Variants in MYT1L observed in about 807,000 individuals in gnomAD.
The protein encoded by MYT1L is myelin transcription factor 1-like protein.
A neutral mutation model predicts 126.7 loss-of-function variants in MYT1L; 12 were observed. That is an observed-to-expected ratio of 0.09 (90% CI 0.06 to 0.15). The LOEUF (loss-of-function observed/expected upper bound fraction) is 0.15. MYT1L is among the 10% of genes least tolerant of loss of function. MYT1L has a pLI of 1.00. For synonymous variants in MYT1L, 541 were observed against 604.2 expected, an observed-to-expected ratio of 0.90 and a Z score of 1.53; for missense variants, 979 against 1,585.2, an observed-to-expected ratio of 0.62 and a Z score of 6.49.
At chr2:2,057,131 T>C (rs1434352389) in intron 3 of MYT1L, among the ~76,000 whole-genome samples, 1 of 152,232 alleles carries the variant, frequency 6.6e-6, no homozygotes, top group African/African-American at 2.4e-5. Context: ...TATATGTGCA[T>C]GCGATTTTAG....
intron 14 of MYT1L, among the ~76,000 whole-genome samples, chr2:1,901,958 C>G (rs1179036725): frequency 6.6e-6 from 1 of 152,192 alleles, no homozygotes; most frequent in African/African-American, 2.4e-5. Context: ...CTGCAGCCAG[C>G]CCCAAGTATC....
chr2:2,231,048 C>T (rs536497628), intron 2 of MYT1L, among the ~76,000 whole-genome samples: 110 of 152,188 alleles, frequency 7.2e-4, no homozygotes, highest in African/African-American at 2.4e-3. Flanking sequence ...AAAGGTGCTT[C>T]GCAAATACTT....
intron 22 of MYT1L, among the ~76,000 whole-genome samples, chr2:1,805,800 C>T (rs1177508553): frequency 2.0e-5 from 3 of 152,160 alleles, no homozygotes; most frequent in East Asian, 1.9e-4. Flanking sequence ...GTGGGAGGAT[C>T]GCTTGACCCT....
chr2:2,156,611 C>T (rs2086765990), intron 3 of MYT1L, among the ~76,000 whole-genome samples: 1 of 152,190 alleles, frequency 6.6e-6, no homozygotes, highest in African/African-American at 2.4e-5. Flanking sequence ...AGTGTTTTTG[C>T]CCTTACCAGA....
rs1294480631 is a variant in MYT1L, at chr2:1,910,497, A to T, written c.1710-150T>A. 1.5e-6 allele frequency: 1 copy of T among 666,288 alleles called. No individual in the cohort carries two copies. The highest frequency in any genetic ancestry group is 2.7e-6 in the Non-Finnish European group (1 of 376,562). The allele number at this position is 666,288 out of a possible 1,614,324, so 41.3% of individuals were successfully genotyped here. A position where few individuals can be genotyped will look rare whatever the true frequency, so the allele number is the denominator to read the frequency against. On this transcript the variant is annotated intron_variant, in intron 12 of 24. Transcript: ENST00000647738. The surrounding 1 kb of genome is among the most constrained non-coding windows in gnomAD (Gnocchi z 4.8). ...TGGCACAGGCAGTCCTGATGGGTGG[A>T]CTGGGAGAGGGGGAGGTAGTCATGT... is the stretch of plus-strand genomic sequence containing the variant.
chr2:2,156,920 G>T (rs1489116919), intron 3 of MYT1L, among the ~76,000 whole-genome samples: 1 of 152,204 alleles, frequency 6.6e-6, no homozygotes, highest in Non-Finnish European at 1.5e-5. Flanking sequence ...CCTTGTCAAG[G>T]TTTCTTTAGA....
intron 4 of MYT1L, among the ~76,000 whole-genome samples, chr2:2,027,704 T>G (rs1236907190): frequency 1.3e-5 from 2 of 152,282 alleles, no homozygotes; most frequent in Non-Finnish European, 1.5e-5. Flanking sequence ...GGGTTTACAT[T>G]CATTAACTTA....
intron 1 of MYT1L, among the ~76,000 whole-genome samples, chr2:2,322,503 G>A (rs2096185088): frequency 6.6e-6 from 1 of 151,948 alleles, no homozygotes; most frequent in Non-Finnish European, 1.5e-5. Flanking sequence ...CTTTGCCCGT[G>A]AGCCTGCTCC....
intron 21 of MYT1L, among the ~76,000 whole-genome samples, chr2:1,815,197 C>T (rs2037429149): frequency 6.6e-6 from 1 of 152,216 alleles, no homozygotes; most frequent in African/African-American, 2.4e-5. Context: ...ACAGGCCTGG[C>T]TCTCTGGGGC....
rs2040572632 is a variant in MYT1L at position 1,834,515 on chromosome 2, AG to A, written c.3080+4633del. On this transcript the variant is annotated intron_variant, in intron 21 of 24. Coordinates refer to ENST00000647738, the MANE Select transcript of MYT1L (RefSeq NM_001303052.2). ...GAATATTATTCAGTCTCAAAAGGGA[AG>A]GAAGCTTGGATACGTGCTACAACCT... 1.3e-5 allele frequency among the ~76,000 whole-genome samples: 2 copies of A among 152,246 alleles called. 1 individual carries two copies. Among genetic ancestry groups the A allele is most frequent in the South Asian group, 4.1e-4 (2 of 4,830 alleles).
intron 3 of MYT1L, among the ~76,000 whole-genome samples, chr2:2,071,576 G>A (rs1296794676): frequency 6.6e-6 from 1 of 152,046 alleles, no homozygotes. Context: ...ACTGATGAGA[G>A]GAATCTCATA....
intron 3 of MYT1L, among the ~76,000 whole-genome samples, chr2:2,093,404 CA>C (rs35350564): frequency 0.17 from 19,551 of 116,574 alleles, 1,333 homozygotes; most frequent in Non-Finnish European, 0.19. Context: ...AAACAATGTA[CA>C]AAAAAAAAAA....
rs1181834703 is a variant in MYT1L at position 2,059,307 on chromosome 2, T to C, written c.-303-5184A>G. ...TTTTATTATTTCCAGTGACTTTCCATGAAAGCACATGCCATCTTGTCCCAT... is the reference window on the plus strand; with the variant it reads ...TTTTATTATTTCCAGTGACTTTCCACGAAAGCACATGCCATCTTGTCCCAT... On this transcript the variant is annotated intron_variant, in intron 3 of 24. Transcript: ENST00000647738. This position sits in a 1 kb window ranked among gnomAD's most constrained non-coding sequence, Gnocchi z 4.7. Among the ~76,000 whole-genome samples, 1 of 151,274 alleles carries C rather than the reference T, an allele frequency of 6.6e-6. No individual in the cohort carries two copies. Among genetic ancestry groups the C allele is most frequent in the African/African-American group, 2.5e-5 (1 of 40,584 alleles).
Position 1,910,457 on chromosome 2 carries a change from G to T in MYT1L, c.1710-110C>A, listed in dbSNP as rs1405384168. 1.2e-5 allele frequency: 12 copies of T among 992,168 alleles called. No homozygotes were observed. The East Asian group carries it at 2.6e-4, about 21-fold the overall frequency. 61.5% of individuals were successfully genotyped at this position (992,168 alleles called of 1,614,324 possible). ...TGCAGGTGGAGCTGGTGAGGGAGGG[G>T]TAGTTTCCCAAACCTGGCACAGGCA... On this transcript the variant is annotated intron_variant, in intron 12 of 24. Coordinates refer to ENST00000647738, the MANE Select transcript of MYT1L (RefSeq NM_001303052.2). The surrounding 1 kb of genome is among the most constrained non-coding windows in gnomAD (Gnocchi z 4.8).
intron 2 of MYT1L, among the ~76,000 whole-genome samples, chr2:2,267,391 A>G (rs1216811407): frequency 6.6e-6 from 1 of 152,252 alleles, no homozygotes; most frequent in Non-Finnish European, 1.5e-5. Context: ...AAAGCGGAGC[A>G]GAGTGTAAAC....
intron 2 of MYT1L, among the ~76,000 whole-genome samples, chr2:2,184,782 C>A (rs974803486): frequency 6.6e-6 from 1 of 152,138 alleles, no homozygotes; most frequent in Non-Finnish European, 1.5e-5. Context: ...CTCTCCTCAT[C>A]CGTCAGCTTC....
At chr2:2,027,107 T>C (rs955958519) in intron 4 of MYT1L, among the ~76,000 whole-genome samples, 2 of 152,156 alleles carry the variant, frequency 1.3e-5, no homozygotes, top group African/African-American at 4.8e-5. Context: ...TGCCTCAGTG[T>C]GAACCCCCCA....
chr2:2,028,685 T>C (rs182421075), intron 4 of MYT1L, among the ~76,000 whole-genome samples: 23 of 152,314 alleles, frequency 1.5e-4, no homozygotes, highest in Admixed American at 1.4e-3. Context: ...ATTGGAGACA[T>C]GGCCACAAAC....
Position 1,801,258 on chromosome 2 carries a change from G to A in MYT1L, c.3276+438C>T. The A allele has an allele frequency of 6.4e-6, 1 of 155,722 alleles. No individual in the cohort carries two copies. The highest frequency in any genetic ancestry group is 1.4e-5 in the Non-Finnish European group (1 of 70,594). 9.6% of individuals were successfully genotyped at this position (155,722 alleles called of 1,614,324 possible). A position where few individuals can be genotyped will look rare whatever the true frequency, so the allele number is the denominator to read the frequency against. On this transcript the variant is annotated intron_variant, in intron 23 of 24. Transcript: ENST00000647738. The surrounding 1 kb of genome is among the most constrained non-coding windows in gnomAD (Gnocchi z 4.2). ...GGCTCTGCAGCTGCAAGTCACTGGG[G>A]CCACTTCCCCAAATCCCAGACACCC... is the stretch of plus-strand genomic sequence containing the variant.
Sources: gnomAD v4.1 joint callset for allele counts (sites outside exome capture counted in the v4.1 genomes callset) on GRCh38, gnomAD v4.1.1 for gene constraint, Gnocchi (gnomAD v3.1) non-coding constraint, MANE v1.5 for transcripts, NCBI Gene and HGNC (gene_info 2026-07-23, HGNC 2026-07-21) for gene names.